CPSF2: variants seen among roughly 807,000 people sequenced by gnomAD.
CPSF2 encodes cleavage and polyadenylation specific factor 2.
CPSF2 carries 51 observed loss-of-function variants against 84.2 expected under a neutral mutation model. That is an observed-to-expected ratio of 0.61 (90% CI 0.48 to 0.77). The LOEUF (loss-of-function observed/expected upper bound fraction) is 0.77. Among genes scored for constraint, CPSF2 ranks in the 30% least tolerant of loss-of-function variants. CPSF2 has a pLI of 0.00. For synonymous variants in CPSF2, 286 were observed against 311.9 expected (o/e 0.92, Z 0.87); for missense variants, 641 against 929.4 (o/e 0.69, Z 4.03).
chr14:92,131,190 T>A, intron 3 of CPSF2, 57 bp downstream of exon 3: 1 of 1,382,652 alleles, frequency 7.2e-7, no homozygotes, highest in Non-Finnish European at 1.0e-6. Context: ...TTTTCTGTAC[T>A]GTAATACCAT....
intron 7 of CPSF2, among the ~76,000 whole-genome samples, chr14:92,140,723 T>C (rs1269490697): frequency 6.6e-6 from 1 of 151,906 alleles, no homozygotes. Flanking sequence ...TGAGCCACCA[T>C]GCCTGGCCGC....
rs1320185581 is a variant in CPSF2, at chr14:92,156,594, A to G, written c.1558A>G (p.Thr520Ala). The change falls in exon 12 of 16, where the codon ACT becomes GCT. Residue 520 changes from threonine to alanine, a missense_variant. By Grantham distance (58) the Thr-to-Ala change is moderately conservative. Transcript: ENST00000298875. ...GGATCAGGATTTATCTGATGTTCCT[A>G]CTAAATGTATTTCTACAACAGAGTC... The part of the protein sequence containing the change: ...PMDQDLSDVP[T>A]KCISTTESIE... 5 of 1,607,544 alleles carry G rather than the reference A, an allele frequency of 3.1e-6. No individual in the cohort carries two copies. The highest frequency in any genetic ancestry group is 1.1e-5 in the South Asian group (1 of 90,532).
In CPSF2 at chr14:92,146,099, A is replaced by AT. The variant is rs145689057; in HGVS notation, c.1140+2805_1140+2806insT. 1.6e-4 allele frequency among the ~76,000 whole-genome samples: 24 copies of AT among 152,384 alleles called. 1 individual carries two copies. In the East Asian group the frequency reaches 4.6e-3, roughly 29 times the overall value. ...GTAATATGTACCAAAACCTACGTTA[A>AT]GTGTATAGCATGATGAACTTTTACA... On this transcript the variant is annotated intron_variant, in intron 9 of 15. Coordinates refer to ENST00000298875, the MANE Select transcript of CPSF2 (RefSeq NM_017437.3).
rs1426441448 is a variant in CPSF2 at position 92,164,571 on chromosome 14, T to C, written c.*2827T>C. ...GATCTTTGTTATTTAGAAGCAAGTA[T>C]AGGTATAACGTGGACTATCAACTGA... is the stretch of plus-strand genomic sequence containing the variant. On this transcript the variant is annotated 3_prime_UTR_variant, in exon 16 of 16. Transcript: ENST00000298875. 2.6e-5 allele frequency: 4 copies of C among 152,248 alleles called. No homozygotes were observed. The highest frequency in any genetic ancestry group is 7.2e-5 in the African/African-American group (3 of 41,448). The allele number at this position is 152,248 out of a possible 1,614,324, so 9.4% of individuals were successfully genotyped here.
At chr14:92,125,022 C>T (rs1338596519) in intron 1 of CPSF2, among the ~76,000 whole-genome samples, 1 of 152,084 alleles carries the variant, frequency 6.6e-6, no homozygotes, top group Non-Finnish European at 1.5e-5. Context: ...TTCCTGGCAA[C>T]CTCCATTGCC....
In CPSF2 at chr14:92,156,494, A is replaced by G. The variant is rs2069291959; in HGVS notation, c.1458A>G (p.Leu486=). ...TATTATTTAGACCAGAGGATTTCTT[A>G]GTGCCAGAGCTTCAAGCTACTGAAG... The part of the protein sequence containing the change: ...YGEIIKPEDF[L]VPELQATEEE... The change falls in exon 12 of 16, where the codon TTA becomes TTG. Residue 486 remains leucine, a synonymous_variant. Transcript: ENST00000298875. The G allele has an allele frequency of 6.2e-7, 1 of 1,610,652 alleles. No individual in the cohort carries two copies. Among genetic ancestry groups the G allele is most frequent in the Non-Finnish European group, 8.5e-7 (1 of 1,179,108 alleles).
At chr14:92,149,897 C>A (rs1019992368) in intron 9 of CPSF2, among the ~76,000 whole-genome samples, 1 of 152,022 alleles carries the variant, frequency 6.6e-6, no homozygotes, top group Non-Finnish European at 1.5e-5. Context: ...CTTTGTGATC[C>A]GTCTGCCTCA....
At chr14:92,141,638 T>C (rs1344862119) in intron 7 of CPSF2, among the ~76,000 whole-genome samples, 1 of 152,122 alleles carries the variant, frequency 6.6e-6, no homozygotes, top group Non-Finnish European at 1.5e-5. Flanking sequence ...ACCATTTTAT[T>C]TGAGGGACCT....
chr14:92,133,014 C>T (rs1046484526), intron 3 of CPSF2, among the ~76,000 whole-genome samples: 7 of 151,992 alleles, frequency 4.6e-5, no homozygotes, highest in South Asian at 4.2e-4. Context: ...TTGCTTGAAC[C>T]GGGCGGTGGA....
chr14:92,160,990 A>C, intron 14 of CPSF2, 122 bp from the exon 15 acceptor site: 2 of 920,172 alleles, frequency 2.2e-6, no homozygotes, highest in East Asian at 5.6e-5. Flanking sequence ...ATGATCTGTC[A>C]AAGGACTTCA....
chr14:92,124,630 G>A (rs746280481), intron 1 of CPSF2, among the ~76,000 whole-genome samples: 21 of 152,122 alleles, frequency 1.4e-4, no homozygotes, highest in Non-Finnish European at 2.2e-4. Context: ...TTATGGTCTG[G>A]AGTCTAGATC....
At position 92,165,292 on chromosome 14, in the gene CPSF2, CT is replaced by C. The variant is rs2069429283; in HGVS notation, c.*3549del. 6.7e-6 allele frequency: 1 copy of C among 149,634 alleles called. No homozygotes were observed. The highest frequency in any genetic ancestry group is 1.5e-5 in the Non-Finnish European group (1 of 67,628). 9.3% of individuals were successfully genotyped at this position (149,634 alleles called of 1,614,324 possible). A position where few individuals can be genotyped will look rare whatever the true frequency, so the allele number is the denominator to read the frequency against. ...GTTTTCAATTTTCTTGGATATATAT[CT>C]AAGAATTAGAATTGCTGGATCATAC... On this transcript the variant is annotated 3_prime_UTR_variant, in exon 16 of 16. Transcript: ENST00000298875.
rs910064268 is a variant in CPSF2, at chr14:92,171,510, C to T, written c.*9766C>T. On this transcript the variant is annotated 3_prime_UTR_variant, in exon 16 of 16. Coordinates refer to ENST00000298875, the MANE Select transcript of CPSF2 (RefSeq NM_017437.3). ...TTGAGCACTTCCTTGCTTTCTGGCA[C>T]CACAAGATGTTCCAGGCTCGTCTTC... The T allele has an allele frequency of 1.3e-5, 2 of 152,280 alleles. No individual in the cohort carries two copies. Among genetic ancestry groups the T allele is most frequent in the African/African-American group, 2.4e-5 (1 of 41,440 alleles). 9.4% of individuals were successfully genotyped at this position (152,280 alleles called of 1,614,324 possible).
chr14:92,135,385 C>G lies in CPSF2; in HGVS notation c.434C>G (p.Ser145Cys). The change falls in exon 6 of 16, where the codon TCT (serine) becomes TGT (cysteine). Residue 145 changes from serine (S) to cysteine (C), a missense_variant. This residue lies in a region of CPSF2 where 211 missense variants were observed against 375.7 expected (regional missense o/e 0.56). Transcript: ENST00000298875. ...GACATAGGTAAAGGACATGGCCTGT[C>G]TATCACACCTCTGCCAGCTGGTCAT... Reference protein sequence around the residue: ...VNLKGKGHGLSITPLPAGHMI... With the variant: ...VNLKGKGHGLCITPLPAGHMI... 6.2e-7 allele frequency: 1 copy of G among 1,613,104 alleles called. No individual in the cohort carries two copies. Among genetic ancestry groups the G allele is most frequent in the Non-Finnish European group, 8.5e-7 (1 of 1,179,530 alleles).
At chr14:92,131,467 T>C (rs1243592445) in intron 3 of CPSF2, among the ~76,000 whole-genome samples, 1 of 152,210 alleles carries the variant, frequency 6.6e-6, no homozygotes, top group Admixed American at 6.5e-5. Flanking sequence ...CACATTAGCT[T>C]ACTTTCTACA....
chr14:92,142,836 A>G (rs1416305511), intron 8 of CPSF2, among the ~76,000 whole-genome samples, 168 bp from the exon 9 acceptor site: 1 of 152,192 alleles, frequency 6.6e-6, no homozygotes, highest in Non-Finnish European at 1.5e-5. Context: ...TGAGGGTGGG[A>G]TAATCTAATG....
chr14:92,139,884 T>C (rs1285148684), intron 7 of CPSF2, among the ~76,000 whole-genome samples: 4 of 151,490 alleles, frequency 2.6e-5, no homozygotes, highest in Admixed American at 6.6e-5. Flanking sequence ...GCAGGGAAAA[T>C]TGGATTCCAT....
At chr14:92,140,399 A>G (rs562276826) in intron 7 of CPSF2, among the ~76,000 whole-genome samples, 19 of 150,830 alleles carry the variant, frequency 1.3e-4, no homozygotes, top group Admixed American at 1.1e-3. Flanking sequence ...CAGCAGTTCA[A>G]GACCAGCCTG....
In CPSF2 at chr14:92,157,752, C is replaced by T. The variant is rs367556675; in HGVS notation, c.1689C>T (p.Ile563=). 2.4e-5 allele frequency: 39 copies of T among 1,613,922 alleles called. 1 individual carries two copies. In the African/African-American group the frequency reaches 3.6e-4, roughly 15 times the overall value. Residue 563 remains isoleucine, a synonymous_variant, in exon 13 of 16, where the codon ATC becomes ATT. Coordinates refer to ENST00000298875, the MANE Select transcript of CPSF2 (RefSeq NM_017437.3). The surrounding 1 kb of genome is among the most constrained non-coding windows in gnomAD (Gnocchi z 4.0). ...INQMKPRQLI[I]VHGPPEASQD... Reference sequence around the variant, plus strand: ...AGATGAAACCACGACAGTTGATCATCGTCCATGGCCCACCAGAGGCCAGTC... The same window carrying T: ...AGATGAAACCACGACAGTTGATCATTGTCCATGGCCCACCAGAGGCCAGTC...
Sources: allele counts gnomAD v4.1 joint callset (sites outside exome capture counted in the v4.1 genomes callset), GRCh38; gene constraint gnomAD v4.1.1; regional missense constraint gnomAD v4.1.1; non-coding constraint Gnocchi (gnomAD v3.1); transcripts MANE v1.5; gene names NCBI Gene and HGNC (gene_info 2026-07-23, HGNC 2026-07-21).